DDX60: variants seen among roughly 807,000 people sequenced by gnomAD.
The protein encoded by DDX60 is probable ATP-dependent RNA helicase DDX60.
DDX60 carries 165 observed loss-of-function variants against 212.8 expected under a neutral mutation model. The ratio of observed to expected loss-of-function variants is 0.78; its 90% CI spans 0.68 to 0.88. The LOEUF is 0.88. Among genes scored for constraint, DDX60 ranks in the 40% least tolerant of loss-of-function variants. DDX60 has a pLI of 0.00. For synonymous variants in DDX60, 703 were observed against 685.3 expected (o/e 1.03, Z -0.40); for missense variants, 1,905 against 2,003.9 (o/e 0.95, Z 0.94).
rs531425055 is a variant in DDX60 at position 168,310,612 on chromosome 4, T to C, written c.74+386A>G. 2.0e-5 allele frequency among the ~76,000 whole-genome samples: 3 copies of C among 152,256 alleles called. No homozygotes were observed. In the South Asian group the frequency reaches 6.2e-4, roughly 32 times the overall value. On this transcript the variant is annotated intron_variant, in intron 3 of 37. Transcript: ENST00000393743. ...GTCCAGCTACAAGATAGACAATAGATAGGATGGGTGCAAACTTCTTGGTAG... is the reference window on the plus strand; with the variant it reads ...GTCCAGCTACAAGATAGACAATAGACAGGATGGGTGCAAACTTCTTGGTAG...
chr4:168,243,710 A>C lies in DDX60; in HGVS notation c.4164+2708T>G, dbSNP rs566597860. Among the ~76,000 whole-genome samples the C allele has an allele frequency of 2.6e-5, 4 of 152,300 alleles. No homozygotes were observed. In the South Asian group the frequency reaches 8.3e-4, roughly 32 times the overall value. On this transcript the variant is annotated intron_variant, in intron 30 of 37. Transcript: ENST00000393743. ...AAGAGAGTGTGGAGATTCCTCAAAG[A>C]ACTAGAGGTAGAAATACCACTTGAC...
rs532988997 is a variant in DDX60, at chr4:168,269,249, T to C, written c.2671-280A>G. Among the ~76,000 whole-genome samples the C allele has an allele frequency of 5.3e-5, 8 of 152,260 alleles. No homozygotes were observed. The East Asian group carries it at 1.5e-3, about 29-fold the overall frequency. ...TCAGCAGCGTTACCACAATACCCACTTGACTACTGTACTTAGCCTCCCTAT... is the reference window on the plus strand; with the variant it reads ...TCAGCAGCGTTACCACAATACCCACCTGACTACTGTACTTAGCCTCCCTAT... On this transcript the variant is annotated intron_variant, in intron 19 of 37. Transcript: ENST00000393743.
At chr4:168,290,093 C>T (rs376317092) in intron 8 of DDX60, among the ~76,000 whole-genome samples, 30 of 152,286 alleles carry the variant, frequency 2.0e-4, no homozygotes, top group African/African-American at 5.8e-4. Flanking sequence ...CAGAATCCTA[C>T]GTGACTTGTC....
chr4:168,292,013 C>A (rs1228681938), intron 7 of DDX60, 107 bp from the exon 8 acceptor site: 25 of 581,610 alleles, frequency 4.3e-5, no homozygotes, highest in Non-Finnish European at 5.5e-5. Flanking sequence ...GTTCAGGAAT[C>A]ATGAATTATT....
In DDX60 at chr4:168,224,395, ATAGT is replaced by A. The variant is rs771050410; in HGVS notation, c.4682-14_4682-11del. The A allele has an allele frequency of 1.7e-5, 28 of 1,610,138 alleles. No homozygotes were observed. The South Asian group carries it at 2.6e-4, about 15-fold the overall frequency. The stretch of plus-strand genomic sequence containing the variant: ...TCTTTACCTGTGAATTCTGACAATA[ATAGT>A]TAGGGATAGATTAGTGTTTTGAACT... On this transcript the variant is annotated splice_polypyrimidine_tract_variant and intron_variant, in intron 34 of 37. Coordinates refer to ENST00000393743, the MANE Select transcript of DDX60 (RefSeq NM_017631.6).
upstream of DDX60, among the ~76,000 whole-genome samples, chr4:168,322,650 TA>T (rs1737628738): frequency 6.6e-6 from 1 of 152,228 alleles, no homozygotes; most frequent in South Asian, 2.1e-4. Context: ...TCAAATAGTT[TA>T]TTCACCTCCT....
At chr4:168,273,228 C>CA (rs1421297277) in intron 18 of DDX60, 51 bp downstream of exon 18, 1 of 1,550,372 alleles carries the variant, frequency 6.5e-7, no homozygotes, top group African/African-American at 1.4e-5. Flanking sequence ...AAGAGACATA[C>CA]AAGTACAGTT....
chr4:168,302,845 C>T (rs1292611311), intron 5 of DDX60, among the ~76,000 whole-genome samples: 2 of 152,032 alleles, frequency 1.3e-5, no homozygotes, highest in African/African-American at 4.8e-5. Flanking sequence ...ATAGCATAAC[C>T]CCCCTTTCAG....
intron 33 of DDX60, among the ~76,000 whole-genome samples, chr4:168,228,019 C>A (rs1733319086): frequency 1.3e-5 from 2 of 152,032 alleles, no homozygotes; most frequent in South Asian, 2.1e-4. Context: ...AGAAATGTGG[C>A]ATTAGGTGAT....
At chr4:168,317,475 A>C (rs1407975612) in intron 1 of DDX60, among the ~76,000 whole-genome samples, 2 of 152,020 alleles carry the variant, frequency 1.3e-5, no homozygotes, top group African/African-American at 2.4e-5. Context: ...AAGAGGAAAA[A>C]AATGGGGGCA....
rs548383892 is a variant in DDX60 at position 168,240,965 on chromosome 4, T to C, written c.4165-3170A>G. Among the ~76,000 whole-genome samples the C allele has an allele frequency of 7.2e-5, 11 of 152,314 alleles. No individual in the cohort carries two copies. The East Asian group carries it at 7.7e-4, about 11-fold the overall frequency. ...AAACTCTCACAATTCCCGCATGTCA[T>C]AGAAGGAACCCAGTGGGAGGTAATT... On this transcript the variant is annotated intron_variant, in intron 30 of 37. Transcript: ENST00000393743.
intron 1 of DDX60, among the ~76,000 whole-genome samples, chr4:168,312,263 G>A (rs973664826): frequency 4.6e-5 from 7 of 152,228 alleles, no homozygotes; most frequent in Admixed American, 1.3e-4. Flanking sequence ...AGATTATGGC[G>A]GCATTTGTGA....
intron 30 of DDX60, among the ~76,000 whole-genome samples, chr4:168,243,799 T>G (rs1733930941): frequency 6.6e-6 from 1 of 151,568 alleles, no homozygotes; most frequent in African/African-American, 2.4e-5. Flanking sequence ...TAAAGATATA[T>G]GCATGTGTAT....
chr4:168,305,899 T>C (rs1736854413), intron 5 of DDX60, among the ~76,000 whole-genome samples: 1 of 152,148 alleles, frequency 6.6e-6, no homozygotes, highest in South Asian at 2.1e-4. Context: ...TAATAGCATT[T>C]TGTCAATATG....
rs748052050 is a variant in DDX60 at position 168,236,302 on chromosome 4, A to G, written c.4483T>C (p.Tyr1495His). 2.5e-6 allele frequency: 4 copies of G among 1,610,906 alleles called. No individual in the cohort carries two copies. The East Asian group carries it at 6.7e-5, about 27-fold the overall frequency. ...GCATCTTGGAACTTTGGTGGAAAAT[A>G]TCTTCTTCCAAAGAGATGTGCCAAT... ...LVLAHLFGRR[Y>H]FPPKFQDAHF... Residue 1495 changes from tyrosine to histidine, a missense_variant, in exon 33 of 38, where the codon TAT becomes CAT. Tyr to His is a moderately conservative substitution (Grantham distance 83). Coordinates refer to ENST00000393743, the MANE Select transcript of DDX60 (RefSeq NM_017631.6).
chr4:168,261,118 G>T, intron 24 of DDX60, 129 bp from the exon 25 acceptor site: 1 of 980,338 alleles, frequency 1.0e-6, no homozygotes, highest in Non-Finnish European at 1.5e-6. Flanking sequence ...TCCTATGAAA[G>T]TACATTATAA....
chr4:168,276,977 GT>G (rs2149522826), intron 14 of DDX60, among the ~76,000 whole-genome samples: 1 of 152,348 alleles, frequency 6.6e-6, no homozygotes, highest in African/African-American at 2.4e-5. Context: ...AGGTCAGGGT[GT>G]TGGAGAGAAC....
intron 30 of DDX60, among the ~76,000 whole-genome samples, chr4:168,239,557 A>G (rs1733765037): frequency 6.6e-6 from 1 of 152,178 alleles, no homozygotes; most frequent in East Asian, 1.9e-4. Context: ...AATGCAGCAG[A>G]CAGGGAAACA....
At position 168,308,110 on chromosome 4, in the gene DDX60, T is replaced by A. The variant is rs774121507; in HGVS notation, c.160A>T (p.Ile54Leu). The change falls in exon 4 of 38, where the codon ATA (isoleucine) becomes TTA (leucine). Residue 54 changes from isoleucine to leucine, a missense_variant. Ile to Leu is a conservative substitution (Grantham distance 5, BLOSUM62 2). Coordinates refer to ENST00000393743, the MANE Select transcript of DDX60 (RefSeq NM_017631.6). ...AGGTTCTGCCCAGGCTTAAATGATA[T>A]CTCACAGATACATGTGATAAGTAAT... Reference protein sequence around the residue: ...DSLLITCICEISFKPGQNLHF... With the variant: ...DSLLITCICELSFKPGQNLHF... The A allele has an allele frequency of 1.2e-6, 2 of 1,609,766 alleles. No individual in the cohort carries two copies. Among genetic ancestry groups the A allele is most frequent in the Non-Finnish European group, 1.7e-6 (2 of 1,177,338 alleles).
Sources: gnomAD v4.1 joint callset for allele counts (sites outside exome capture counted in the v4.1 genomes callset) on GRCh38, gnomAD v4.1.1 for gene constraint, MANE v1.5 for transcripts, NCBI Gene and HGNC (gene_info 2026-07-23, HGNC 2026-07-21) for gene names.